The following ZMYND8 variants were observed in gnomAD, a reference collection of about 807,000 sequenced individuals.
ZMYND8 encodes the protein zinc finger MYND-type containing 8.
A neutral mutation model predicts 140.8 loss-of-function variants in ZMYND8; 37 were observed. The ratio of observed to expected loss-of-function variants is 0.26; its 90% CI spans 0.20 to 0.35. The LOEUF is 0.35. Among genes scored for constraint, ZMYND8 ranks in the 10% least tolerant of loss-of-function variants. The pLI, the probability that ZMYND8 is intolerant of heterozygous loss-of-function variation, is 1.00. For missense variants in ZMYND8, 1,068 were observed against 1,570.0 expected (o/e 0.68, Z 5.40); for synonymous variants, 592 against 597.1 (o/e 0.99, Z 0.12).
chr20:47,276,912 A>T (rs1199444972), intron 10 of ZMYND8, 117 bp from the exon 11 acceptor site: 5,379 of 413,142 alleles, frequency 0.013, 204 homozygotes, highest in African/African-American at 0.13. Flanking sequence ...TATTCTATTA[A>T]AAAAAAAAAA....
chr20:47,356,635 A>G, intron 1 of ZMYND8, 22 bp downstream of exon 1: 1 of 1,614,140 alleles, frequency 6.2e-7, no homozygotes, highest in Non-Finnish European at 8.5e-7. Context: ...GGGAAAAAAG[A>G]TGGTTAAAAA....
intron 14 of ZMYND8, among the ~76,000 whole-genome samples, chr20:47,240,453 G>A (rs1190709069): frequency 1.3e-5 from 2 of 151,532 alleles, no homozygotes; most frequent in Non-Finnish European, 2.9e-5. Context: ...CGTGGAGGTT[G>A]CAGGGAGCCG....
At chr20:47,351,763 T>G in intron 1 of ZMYND8, 2 of 985,456 alleles carry the variant, frequency 2.0e-6, no homozygotes, top group Non-Finnish European at 2.4e-6. Context: ...ATTCTTAAAA[T>G]GGCGTCTGGC....
chr20:47,309,970 C>T (rs530599338), intron 3 of ZMYND8, 86 bp downstream of exon 3: 34 of 1,561,418 alleles, frequency 2.2e-5, no homozygotes, highest in Admixed American at 1.1e-4. Flanking sequence ...CCAAGAAAGC[C>T]GGCGCTTACA....
intron 2 of ZMYND8, among the ~76,000 whole-genome samples, chr20:47,312,953 C>T (rs1291720682): frequency 6.6e-6 from 1 of 152,158 alleles, no homozygotes; most frequent in Non-Finnish European, 1.5e-5. Context: ...TCTAGAAACA[C>T]ATTCTACAAA....
At chr20:47,213,522 AGAGTGAGGCTTAACTGCAGTTAT>A (rs759183754) in intron 21 of ZMYND8, among the ~76,000 whole-genome samples, 33 of 152,230 alleles carry the variant, frequency 2.2e-4, no homozygotes, top group Non-Finnish European at 4.1e-4. Context: ...CCAACAGACA[AGAGTGAGGCTTAACTGCAGTTAT>A]AGGACAGAAT....
At chr20:47,253,954 G>A (rs1241283981) in intron 12 of ZMYND8, among the ~76,000 whole-genome samples, 1 of 152,188 alleles carries the variant, frequency 6.6e-6, no homozygotes, top group Non-Finnish European at 1.5e-5. Context: ...AAATGGCTAG[G>A]GGCTGGGCCC....
chr20:47,220,178 A>T, intron 21 of ZMYND8, 80 bp downstream of exon 21: 1 of 1,341,284 alleles, frequency 7.5e-7, no homozygotes, highest in Non-Finnish European at 1.0e-6. Flanking sequence ...TAAACCCTTC[A>T]AATTCTCCCT....
chr20:47,303,203 A>T (rs2078206258), intron 3 of ZMYND8, among the ~76,000 whole-genome samples: 1 of 152,070 alleles, frequency 6.6e-6, no homozygotes, highest in South Asian at 2.1e-4. Flanking sequence ...AGCAGCAGGA[A>T]GGGGAAGAGA....
intron 2 of ZMYND8, among the ~76,000 whole-genome samples, chr20:47,340,673 G>T (rs1457010903): frequency 2.0e-5 from 3 of 152,008 alleles, no homozygotes. Flanking sequence ...GTATGCCCCA[G>T]CTACTCAGGA....
intron 14 of ZMYND8, among the ~76,000 whole-genome samples, chr20:47,242,663 G>A (rs760788718): frequency 3.3e-5 from 5 of 152,238 alleles, no homozygotes; most frequent in East Asian, 1.9e-4. Flanking sequence ...CCAGCAGGGC[G>A]GAGGGGTTAC....
chr20:47,318,018 A>G (rs146303942), intron 2 of ZMYND8, among the ~76,000 whole-genome samples: 2 of 151,162 alleles, frequency 1.3e-5, no homozygotes, highest in East Asian at 3.9e-4. Flanking sequence ...TTAACCAATC[A>G]CTCTTCCTCC....
rs535941377 is a variant in ZMYND8, at chr20:47,310,800, A to C, written c.86-596T>G. Among the ~76,000 whole-genome samples the C allele has an allele frequency of 9.5e-3, 1,433 of 151,558 alleles. 27 individuals carry two copies. Among genetic ancestry groups the C allele is most frequent in the African/African-American group, 0.031 (1,267 of 41,198 alleles). On this transcript the variant is annotated intron_variant, in intron 2 of 22. Transcript: ENST00000471951. Reference sequence around the variant, plus strand: ...GCCTCCGACGTGAAAAAAAAAAAAAAAAAAAAACAGATTAGGACCTGCAGG... The same window carrying C: ...GCCTCCGACGTGAAAAAAAAAAAAACAAAAAAACAGATTAGGACCTGCAGG...
chr20:47,342,551 G>GA (rs1186731270), intron 2 of ZMYND8, among the ~76,000 whole-genome samples: 306 of 91,800 alleles, frequency 3.3e-3, no homozygotes, highest in African/African-American at 6.1e-3. Flanking sequence ...CTGTCTCAAA[G>GA]AAAAAAAAAA....
intron 2 of ZMYND8, chr20:47,318,965 G>A: frequency 1.5e-6 from 2 of 1,351,570 alleles, no homozygotes; most frequent in Non-Finnish European, 2.0e-6. Context: ...CATTGAGAAA[G>A]TGCGGCTGCT....
chr20:47,333,506 G>A (rs991900701), intron 2 of ZMYND8, among the ~76,000 whole-genome samples: 1 of 151,878 alleles, frequency 6.6e-6, no homozygotes, highest in Non-Finnish European at 1.5e-5. Context: ...CGAGGCAGGT[G>A]GATCACATCA....
chr20:47,345,798 C>G (rs531140115), intron 2 of ZMYND8, among the ~76,000 whole-genome samples: 1 of 148,868 alleles, frequency 6.7e-6, no homozygotes, highest in Non-Finnish European at 1.5e-5. Context: ...CGTGAGCCAA[C>G]GCACTCTGTC....
chr20:47,265,775 T>G (rs768111312), intron 11 of ZMYND8, among the ~76,000 whole-genome samples: 32 of 152,204 alleles, frequency 2.1e-4, no homozygotes, highest in Non-Finnish European at 4.3e-4. Flanking sequence ...CATTCATGTG[T>G]GCTAAAAAAT....
At chr20:47,255,169 C>T (rs892295557) in intron 12 of ZMYND8, among the ~76,000 whole-genome samples, 1 of 151,998 alleles carries the variant, frequency 6.6e-6, no homozygotes, top group Non-Finnish European at 1.5e-5. Context: ...TGCCAAATGT[C>T]ACCTGGGAGA....
Sources: gnomAD v4.1 joint callset for allele counts (sites outside exome capture counted in the v4.1 genomes callset) on GRCh38, gnomAD v4.1.1 for gene constraint, MANE v1.5 for transcripts, NCBI Gene and HGNC (gene_info 2026-07-23, HGNC 2026-07-21) for gene names.